Variants in APTX observed in about 807,000 individuals in gnomAD.
The protein encoded by APTX is forkhead-associated domain histidine triad-like protein.
A neutral mutation model predicts 42.3 loss-of-function variants in APTX; 33 were observed. That is an observed-to-expected ratio of 0.78 (90% CI 0.59 to 1.04). The LOEUF (loss-of-function observed/expected upper bound fraction) is 1.04. Among genes scored for constraint, APTX ranks in the 50% least tolerant of loss-of-function variants. The pLI is 0.00. For missense variants in APTX, 421 were observed against 415.1 expected, an observed-to-expected ratio of 1.01 and a Z score of -0.12; for synonymous variants, 130 against 146.7, an observed-to-expected ratio of 0.89 and a Z score of 0.82.
At chr9:32,983,560 C>T (rs945234082) in intron 6 of APTX, among the ~76,000 whole-genome samples, 1 of 152,038 alleles carries the variant, frequency 6.6e-6, no homozygotes, top group African/African-American at 2.4e-5. Flanking sequence ...AAAAATCTGG[C>T]ACAAAGATTT....
Position 33,001,439 on chromosome 9 carries a change from G to A in APTX, c.-5+128C>T, listed in dbSNP as rs1238328876. The A allele has an allele frequency of 3.2e-6, 5 of 1,558,242 alleles. No homozygotes were observed. In the East Asian group the frequency reaches 7.1e-5, roughly 22 times the overall value. ...ACAGGGGAGGACGGAGAAAGCAGCC[G>A]TGAGAGCAGCGCATGAAAGCAGCGT... is the stretch of plus-strand genomic sequence containing the variant. On this transcript the variant is annotated intron_variant, in intron 1 of 7. Transcript: ENST00000379817.
chr9:32,983,383 C>T (rs776328613), intron 6 of APTX, among the ~76,000 whole-genome samples: 36 of 152,120 alleles, frequency 2.4e-4, no homozygotes, highest in African/African-American at 8.7e-4. Context: ...GAAAGGGGCA[C>T]AAGGGAACTT....
chr9:33,010,520 G>A (rs548748696), intron 1 of APTX, among the ~76,000 whole-genome samples: 3 of 152,212 alleles, frequency 2.0e-5, no homozygotes, highest in African/African-American at 7.2e-5. Context: ...AGAAGTTCAA[G>A]ACCAGCCTGG....
intron 1 of APTX, chr9:32,990,182 ATTTAT>A (rs1449530752): frequency 6.2e-6 from 2 of 320,344 alleles, no homozygotes; most frequent in African/African-American, 2.2e-5. Flanking sequence ...TATTTATTTT[ATTTAT>A]TTTGAGACAG....
At chr9:33,000,438 C>A (rs1488821149) in intron 1 of APTX, among the ~76,000 whole-genome samples, 1 of 151,798 alleles carries the variant, frequency 6.6e-6, no homozygotes, top group Non-Finnish European at 1.5e-5. Context: ...ACCAGCCTGG[C>A]CAACATGGTG....
intron 6 of APTX, among the ~76,000 whole-genome samples, chr9:32,981,605 G>A (rs1391518203): frequency 5.3e-5 from 8 of 152,138 alleles, no homozygotes; most frequent in Admixed American, 3.9e-4. Flanking sequence ...ATCTTGTGGG[G>A]CCAGAAAATA....
chr9:33,010,391 T>C (rs1034105785), intron 1 of APTX, among the ~76,000 whole-genome samples: 3 of 152,128 alleles, frequency 2.0e-5, no homozygotes, highest in Non-Finnish European at 4.4e-5. Context: ...CAGGAATCAC[T>C]CTAGGAGCTG....
At chr9:33,023,467 G>GC (rs142671248) in intron 1 of APTX, among the ~76,000 whole-genome samples, 10,714 of 150,444 alleles carry the variant, frequency 0.071, 507 homozygotes, top group Non-Finnish European at 0.11. Context: ...CAGGTGATCC[G>GC]CCACCTTGGC....
intron 1 of APTX, among the ~76,000 whole-genome samples, chr9:33,022,357 T>C (rs1205109864): frequency 1.3e-5 from 2 of 152,186 alleles, no homozygotes; most frequent in African/African-American, 4.8e-5. Flanking sequence ...AACAATAAGA[T>C]ATCACTTTTT....
chr9:32,973,719 A>G (rs749849522), intron 7 of APTX, 67 bp from the exon 8 acceptor site: 121 of 1,596,922 alleles, frequency 7.6e-5, no homozygotes, highest in Non-Finnish European at 9.0e-5. Flanking sequence ...ACCAAAAAAA[A>G]AAAAAAAAAA....
intron 1 of APTX, chr9:33,024,977 G>A (rs1838753142): frequency 6.6e-6 from 1 of 152,040 alleles, no homozygotes; most frequent in Non-Finnish European, 1.5e-5. Flanking sequence ...CCACCCCACA[G>A]GTTTGGGAAC....
chr9:32,974,749 T>C (rs527915408), intron 6 of APTX, among the ~76,000 whole-genome samples, 188 bp from the exon 7 acceptor site: 19 of 152,300 alleles, frequency 1.2e-4, no homozygotes, highest in Admixed American at 1.2e-3. Flanking sequence ...TATTTAATGC[T>C]CAATAAGTAT....
chr9:33,015,047 T>C (rs1418245688), intron 1 of APTX, among the ~76,000 whole-genome samples: 1 of 152,244 alleles, frequency 6.6e-6, no homozygotes, highest in Non-Finnish European at 1.5e-5. Context: ...AAGGTCATTC[T>C]TGTATGCCTT....
At chr9:33,006,640 G>T (rs529963888) in intron 1 of APTX, among the ~76,000 whole-genome samples, 4 of 152,248 alleles carry the variant, frequency 2.6e-5, no homozygotes, top group African/African-American at 9.6e-5. Flanking sequence ...GGCATTTGGG[G>T]AAAGCTGTAT....
At chr9:33,020,057 C>T (rs1436149791) in intron 1 of APTX, 2 of 394,918 alleles carry the variant, frequency 5.1e-6, no homozygotes, top group Non-Finnish European at 9.0e-6. Flanking sequence ...GTGTCCGCGC[C>T]CCCGGGGCAG....
At chr9:33,010,490 C>T (rs921914041) in intron 1 of APTX, among the ~76,000 whole-genome samples, 1 of 152,044 alleles carries the variant, frequency 6.6e-6, no homozygotes, top group Admixed American at 6.6e-5. Flanking sequence ...GAGGCTGAGG[C>T]GGGTGGATCA....
intron 1 of APTX, chr9:33,019,763 A>G: frequency 1.7e-6 from 1 of 592,916 alleles, no homozygotes; most frequent in Non-Finnish European, 2.9e-6. Flanking sequence ...AAGATGGTCG[A>G]GAAAGTTGAT....
chr9:33,017,729 A>T (rs142181815), intron 1 of APTX, among the ~76,000 whole-genome samples: 56 of 152,278 alleles, frequency 3.7e-4, no homozygotes, highest in African/African-American at 1.3e-3. Flanking sequence ...CCGGGAGCTC[A>T]ATCCTTCCAA....
At chr9:32,982,098 G>GC (rs1325004397) in intron 6 of APTX, among the ~76,000 whole-genome samples, 1 of 151,794 alleles carries the variant, frequency 6.6e-6, no homozygotes, top group Admixed American at 6.6e-5. Flanking sequence ...TCAACATCAT[G>GC]CCCCCCCATA....
Sources: allele counts gnomAD v4.1 joint callset (sites outside exome capture counted in the v4.1 genomes callset), GRCh38; gene constraint gnomAD v4.1.1; transcripts MANE v1.5; gene names NCBI Gene and HGNC (gene_info 2026-07-23, HGNC 2026-07-21).